Variants in TMEM216 observed in about 807,000 individuals in gnomAD.
TMEM216 encodes cerebello-oculo-renal syndrome 2.
TMEM216 carries 15 observed loss-of-function variants against 17.8 expected under a neutral mutation model. The observed-to-expected ratio is 0.84, with a 90% CI of 0.56 to 1.30. The LOEUF (loss-of-function observed/expected upper bound fraction) is 1.30, where lower values mean the gene tolerates loss of function less well. Ranked by LOEUF, TMEM216 falls within the 50% of genes most tolerant of loss-of-function variation. TMEM216 has a pLI of 0.00. For missense variants in TMEM216, 160 were observed against 175.7 expected (o/e 0.91, Z 0.51); for synonymous variants, 58 against 73.5 (o/e 0.79, Z 1.08).
At chr11:61,394,086 G>A (rs182740780) in intron 3 of TMEM216, 110 bp downstream of exon 3, 18 of 963,768 alleles carry the variant, frequency 1.9e-5, no homozygotes, top group Non-Finnish European at 2.5e-5. Context: ...GACTGGATCT[G>A]TATATCCTAT....
chr11:61,398,231 CTT>C (rs753452635), intron 4 of TMEM216, 37 bp from the exon 5 acceptor site: 1 of 1,588,360 alleles, frequency 6.3e-7, no homozygotes, highest in African/African-American at 1.5e-5. Context: ...ATTCACTGGT[CTT>C]TTAACATTTT....
In TMEM216 at chr11:61,393,978, TA is replaced by T; in HGVS notation, c.229+4del. ...TTGAAGTAATTCGCCTGTTTTTTGG[TA>T]AGTGTTGTCCAGAGAATATTTCCAC... is the stretch of plus-strand genomic sequence containing the variant. On this transcript the variant is annotated splice_donor_region_variant and intron_variant, in intron 3 of 4. Transcript: ENST00000515837. 1 of 1,613,710 alleles carries T rather than the reference TA, an allele frequency of 6.2e-7. No homozygotes were observed. Among genetic ancestry groups the T allele is most frequent in the Non-Finnish European group, 8.5e-7 (1 of 1,179,620 alleles).
At chr11:61,394,848 G>C (rs1858764448) in intron 3 of TMEM216, among the ~76,000 whole-genome samples, 1 of 150,786 alleles carries the variant, frequency 6.6e-6, no homozygotes, top group Admixed American at 6.6e-5. Context: ...TATATTTTTA[G>C]TAGAGATAGA....
At chr11:61,393,161 A>G in intron 1 of TMEM216, 70 bp from the exon 2 acceptor site, 1 of 1,221,222 alleles carries the variant, frequency 8.2e-7, no homozygotes, top group Non-Finnish European at 1.1e-6. Context: ...CCAAAGTTAG[A>G]CACCAACCCA....
intron 3 of TMEM216, among the ~76,000 whole-genome samples, chr11:61,396,282 C>T (rs1858796629): frequency 6.6e-6 from 1 of 150,708 alleles, no homozygotes; most frequent in Non-Finnish European, 1.5e-5. Flanking sequence ...AGATCGAGAC[C>T]ATCCTGGCCC....
rs373854580 is a variant in TMEM216 at position 61,392,645 on chromosome 11, G to T, written c.14G>T (p.Gly5Val). Residue 5 changes from glycine to valine, a missense_variant, in exon 1 of 5, where the codon GGA (glycine) becomes GTA (valine). By Grantham distance (109) the Gly-to-Val change is moderately radical. Coordinates refer to ENST00000515837, the MANE Select transcript of TMEM216 (RefSeq NM_001173990.3). MLPR[G>V]LKMAPRGKRL... ...CTGTGGCAGCGTATGCTGCCACGGG[G>T]ACTGAAGATGGCGCCGCGAGGTGAG... The T allele has an allele frequency of 2.0e-6, 3 of 1,536,106 alleles. No individual in the cohort carries two copies. The highest frequency in any genetic ancestry group is 2.4e-5 in the South Asian group (2 of 84,056).
chr11:61,393,567 T>G (rs151079511), intron 2 of TMEM216, among the ~76,000 whole-genome samples: 139 of 152,334 alleles, frequency 9.1e-4, no homozygotes, highest in African/African-American at 3.2e-3. Context: ...TCTGCCCACA[T>G]CACTGCTCTT....
intron 3 of TMEM216, 74 bp from the exon 4 acceptor site, chr11:61,397,700 C>A: frequency 7.1e-7 from 1 of 1,401,586 alleles, no homozygotes; most frequent in Non-Finnish European, 1.0e-6. Flanking sequence ...CATTCCATCA[C>A]ATCTCCCACG....
Position 61,397,978 on chromosome 11 carries a change from A to G in TMEM216, c.431+3A>G, listed in dbSNP as rs770978802. 11 of 1,613,460 alleles carry G rather than the reference A, an allele frequency of 6.8e-6. No homozygotes were observed. In the South Asian group the frequency reaches 1.2e-4, roughly 18 times the overall value. On this transcript the variant is annotated splice_donor_region_variant and intron_variant, in intron 4 of 4. Coordinates refer to ENST00000515837, the MANE Select transcript of TMEM216 (RefSeq NM_001173990.3). ...CTCACCTTGGCTGCTTTCTCCAGGT[A>G]CTGCTGCTGAGGGACCATTTCTCAT...
At chr11:61,392,794 A>C (rs1195409947) in intron 1 of TMEM216, 129 bp downstream of exon 1, 2 of 1,521,474 alleles carry the variant, frequency 1.3e-6, no homozygotes, top group Non-Finnish European at 1.8e-6. Flanking sequence ...CCTGGTCCAA[A>C]GCCGGCTTCC....
At chr11:61,398,072 G>T in intron 4 of TMEM216, 97 bp downstream of exon 4, 1 of 1,492,824 alleles carries the variant, frequency 6.7e-7, no homozygotes. Flanking sequence ...GGGTCTAGAA[G>T]ACTTTTTTCT....
rs192170778 is a variant in TMEM216 at position 61,397,328 on chromosome 11, G to A, written c.230-446G>A. 2.3e-3 allele frequency among the ~76,000 whole-genome samples: 350 copies of A among 151,820 alleles called. 1 individual carries two copies. Among genetic ancestry groups the A allele is most frequent in the African/African-American group, 7.9e-3 (327 of 41,412 alleles). On this transcript the variant is annotated intron_variant, in intron 3 of 4. Coordinates refer to ENST00000515837, the MANE Select transcript of TMEM216 (RefSeq NM_001173990.3). ...ACTACAGGCGCCCGCCACCACGCCC[G>A]GCTACTTTTTTTGTATTTTTAGTAG...
intron 4 of TMEM216, 54 bp downstream of exon 4, chr11:61,398,029 A>G (rs1858839080): frequency 1.3e-6 from 2 of 1,593,802 alleles, no homozygotes; most frequent in African/African-American, 1.3e-5. Flanking sequence ...TTCCCATCCC[A>G]GGGAGGGATT....
At chr11:61,396,437 C>G (rs112159733) in intron 3 of TMEM216, among the ~76,000 whole-genome samples, 3,176 of 151,930 alleles carry the variant, frequency 0.021, 116 homozygotes, top group African/African-American at 0.072. Context: ...CGAGATTGCA[C>G]CACTGCACTC....
intron 1 of TMEM216, chr11:61,393,003 C>A (rs1427818552): frequency 1.6e-6 from 1 of 614,232 alleles, no homozygotes; most frequent in Non-Finnish European, 2.0e-6. Flanking sequence ...ACTTTTATTC[C>A]TGAAGCCGAA....
At chr11:61,392,954 A>G (rs1274554133) in intron 1 of TMEM216, 7 of 840,690 alleles carry the variant, frequency 8.3e-6, no homozygotes, top group Non-Finnish European at 1.0e-5. Context: ...TGACAGAGTG[A>G]GATCTTTGAG....
In TMEM216 at chr11:61,398,508, C is replaced by A. The variant is rs1042125674; in HGVS notation, c.*232C>A. On this transcript the variant is annotated 3_prime_UTR_variant, in exon 5 of 5. Transcript: ENST00000515837. ...TTCTACACTCCAGTATAGGGAGGGG[C>A]AAGGTTATTCCCATCCTGCCCCTTC... The A allele has an allele frequency of 2.2e-5, 12 of 546,322 alleles. No individual in the cohort carries two copies. The highest frequency in any genetic ancestry group is 4.8e-4 in the Middle Eastern group (1 of 2,082). 33.8% of individuals were successfully genotyped at this position (546,322 alleles called of 1,614,324 possible). A position where few individuals can be genotyped will look rare whatever the true frequency, so the allele number is the denominator to read the frequency against.
At chr11:61,396,076 T>C (rs1353544953) in intron 3 of TMEM216, among the ~76,000 whole-genome samples, 1 of 152,230 alleles carries the variant, frequency 6.6e-6, no homozygotes, top group African/African-American at 2.4e-5. Flanking sequence ...AGAATGTTTA[T>C]TGCCAAAAAT....
chr11:61,397,855 C>T lies in TMEM216; in HGVS notation c.311C>T (p.Ser104Phe). 1 of 1,614,016 alleles carries T rather than the reference C, an allele frequency of 6.2e-7. No homozygotes were observed. Among genetic ancestry groups the T allele is most frequent in the Non-Finnish European group, 8.5e-7 (1 of 1,179,898 alleles). The change falls in exon 4 of 5, where the codon TCC becomes TTC. Residue 104 changes from serine to phenylalanine, a missense_variant. Physicochemically the swap from Ser to Phe is radical, Grantham distance 155. Coordinates refer to ENST00000515837, the MANE Select transcript of TMEM216 (RefSeq NM_001173990.3). ...ACCTTCCCATCTGCCATGATGGCCT[C>T]CTATTACCTGCTGCTGCAGACCTAC... ...ALTFPSAMMA[S>F]YYLLLQTYVL...
Sources: gnomAD v4.1 joint callset for allele counts (sites outside exome capture counted in the v4.1 genomes callset) on GRCh38, gnomAD v4.1.1 for gene constraint, MANE v1.5 for transcripts, NCBI Gene and HGNC (gene_info 2026-07-23, HGNC 2026-07-21) for gene names.